The following WDFY2 variants were observed in gnomAD, a reference collection of about 807,000 sequenced individuals.
WDFY2 encodes the protein WD repeat and FYVE domain containing 2.
WDFY2 carries 36 observed loss-of-function variants against 56.4 expected under a neutral mutation model. The observed-to-expected ratio is 0.64, with a 90% CI of 0.49 to 0.84. WDFY2 has a LOEUF of 0.84. Ranked by LOEUF, WDFY2 falls within the 40% of genes least tolerant of loss-of-function variation. The probability of loss-of-function intolerance (pLI) is 0.00; values close to 1 mark genes in which losing one functional copy is unlikely to be tolerated. For missense variants in WDFY2, 444 were observed against 512.2 expected (o/e 0.87, Z 1.29); for synonymous variants, 176 against 183.7 (o/e 0.96, Z 0.34).
intron 1 of WDFY2, among the ~76,000 whole-genome samples, chr13:51,636,826 G>A (rs559574249): frequency 1.7e-4 from 26 of 152,306 alleles, no homozygotes; most frequent in African/African-American, 5.5e-4. Context: ...AAAGGGCAAC[G>A]GCAACTCCGT....
Position 51,756,400 on chromosome 13 carries a change from G to T in WDFY2, c.1002G>T (p.Leu334=). 1 of 1,614,130 alleles carries T rather than the reference G, an allele frequency of 6.2e-7. No homozygotes were observed. The highest frequency in any genetic ancestry group is 1.1e-5 in the South Asian group (1 of 91,072). Reference sequence around the variant, plus strand: ...GCTCCAAGCGCTCCTCCATCCCCCTGATGGGCTTCGAGTTTGAAGTGAGGG... The same window carrying T: ...GCTCCAAGCGCTCCTCCATCCCCCTTATGGGCTTCGAGTTTGAAGTGAGGG... ...KCSSKRSSIP[L]MGFEFEVRVC... The change falls in exon 10 of 12, where the codon CTG becomes CTT. Residue 334 remains leucine, a synonymous_variant. Transcript: ENST00000298125.
chr13:51,596,452 T>C (rs1954150324), intron 1 of WDFY2, among the ~76,000 whole-genome samples: 1 of 152,192 alleles, frequency 6.6e-6, no homozygotes, highest in Non-Finnish European at 1.5e-5. Flanking sequence ...GTGGATAGGA[T>C]AGGGCAAAGT....
At chr13:51,709,148 T>A (rs527712995) in intron 4 of WDFY2, among the ~76,000 whole-genome samples, 1 of 152,340 alleles carries the variant, frequency 6.6e-6, no homozygotes, top group African/African-American at 2.4e-5. Flanking sequence ...AACAAAACAG[T>A]CAACAAACTT....
At chr13:51,677,574 T>C (rs954800070) in intron 3 of WDFY2, among the ~76,000 whole-genome samples, 2 of 152,244 alleles carry the variant, frequency 1.3e-5, no homozygotes. Flanking sequence ...TAACTTATTT[T>C]AAAACTAAGA....
At chr13:51,601,740 A>G (rs1954287312) in intron 1 of WDFY2, among the ~76,000 whole-genome samples, 1 of 152,168 alleles carries the variant, frequency 6.6e-6, no homozygotes, top group Non-Finnish European at 1.5e-5. Context: ...AGAGTGGGGA[A>G]GGGCACCCTG....
chr13:51,609,613 C>A (rs1443502984), intron 1 of WDFY2, among the ~76,000 whole-genome samples: 1 of 128,486 alleles, frequency 7.8e-6, no homozygotes, highest in African/African-American at 2.9e-5. Context: ...CCCCGCCCCC[C>A]CGCCCTCCCC....
intron 6 of WDFY2, 94 bp downstream of exon 6, chr13:51,727,884 A>G (rs925544993): frequency 1.7e-6 from 2 of 1,177,720 alleles, no homozygotes; most frequent in African/African-American, 3.0e-5. Context: ...GAAAGTGGCA[A>G]AGTACAATCC....
chr13:51,649,338 T>C (rs1428215461), intron 1 of WDFY2, among the ~76,000 whole-genome samples: 1 of 151,318 alleles, frequency 6.6e-6, no homozygotes, highest in East Asian at 1.9e-4. Context: ...GACTGTGCGG[T>C]GCATTTGGCC....
Position 51,758,262 on chromosome 13 carries a change from G to A in WDFY2, c.1135G>A (p.Gly379Arg), listed in dbSNP as rs1203269003. ...IVHVHFDATR[G>R]WLLTSGTDKV... ...GCATGTGCATTTCGATGCAACCAGA[G>A]GATGGTTACTGACTTCTGGAACTGA... The change falls in exon 11 of 12, where the codon GGA becomes AGA. Residue 379 changes from glycine to arginine, a missense_variant. Physicochemically the swap from Gly to Arg is moderately radical, Grantham distance 125. Coordinates refer to ENST00000298125, the MANE Select transcript of WDFY2 (RefSeq NM_052950.4). The A allele has an allele frequency of 6.2e-7, 1 of 1,601,734 alleles. No homozygotes were observed. The highest frequency in any genetic ancestry group is 8.5e-7 in the Non-Finnish European group (1 of 1,170,466).
intron 1 of WDFY2, among the ~76,000 whole-genome samples, chr13:51,623,394 A>T (rs1954778104): frequency 2.6e-5 from 4 of 152,130 alleles, no homozygotes; most frequent in Admixed American, 2.6e-4. Context: ...GATGTGAAAG[A>T]ACAGTGTGCC....
intron 1 of WDFY2, among the ~76,000 whole-genome samples, chr13:51,654,496 A>G (rs1955469226): frequency 6.6e-6 from 1 of 152,060 alleles, no homozygotes; most frequent in African/African-American, 2.4e-5. Flanking sequence ...TGCGTCGCTC[A>G]CGGTAGGAGC....
At chr13:51,745,731 C>T (rs1301021747) in intron 7 of WDFY2, among the ~76,000 whole-genome samples, 1 of 124,790 alleles carries the variant, frequency 8.0e-6, no homozygotes, top group East Asian at 2.3e-4. Flanking sequence ...AGTGATTATC[C>T]TTCATTTAAA....
At chr13:51,632,059 C>T (rs954592607) in intron 1 of WDFY2, among the ~76,000 whole-genome samples, 1 of 152,068 alleles carries the variant, frequency 6.6e-6, no homozygotes, top group African/African-American at 2.4e-5. Flanking sequence ...ATTGATAATT[C>T]ATCTAAATTT....
At chr13:51,630,664 C>T (rs932303899) in intron 1 of WDFY2, among the ~76,000 whole-genome samples, 11 of 151,126 alleles carry the variant, frequency 7.3e-5, no homozygotes, top group East Asian at 3.9e-4. Flanking sequence ...AACCCATTAG[C>T]GTTTACTGAA....
chr13:51,684,296 C>T (rs143576375), intron 3 of WDFY2, among the ~76,000 whole-genome samples: 5 of 150,942 alleles, frequency 3.3e-5, no homozygotes, highest in East Asian at 1.9e-4. Flanking sequence ...GCTATTGCTA[C>T]GGGTAGAAAA....
intron 2 of WDFY2, among the ~76,000 whole-genome samples, chr13:51,671,801 T>TG (rs1955812778): frequency 6.9e-6 from 1 of 144,702 alleles, no homozygotes; most frequent in Non-Finnish European, 1.5e-5. Flanking sequence ...TTTTTTTTTT[T>TG]GAGACAAGGT....
intron 7 of WDFY2, among the ~76,000 whole-genome samples, 166 bp from the exon 8 acceptor site, chr13:51,751,144 G>A (rs1451978213): frequency 2.0e-5 from 3 of 152,074 alleles, no homozygotes; most frequent in Admixed American, 2.0e-4. Context: ...TTTAAATCCT[G>A]GATACTCTTC....
chr13:51,737,357 A>G (rs1207669849), intron 6 of WDFY2, among the ~76,000 whole-genome samples: 1 of 152,140 alleles, frequency 6.6e-6, no homozygotes, highest in Non-Finnish European at 1.5e-5. Flanking sequence ...TTAATCTGCC[A>G]AGAACAAAGC....
At chr13:51,635,986 T>A (rs984508073) in intron 1 of WDFY2, among the ~76,000 whole-genome samples, 2 of 152,196 alleles carry the variant, frequency 1.3e-5, no homozygotes, top group Non-Finnish European at 2.9e-5. Flanking sequence ...AGCACCTACA[T>A]ACACTTTAAC....
Sources: gnomAD v4.1 joint callset for allele counts (sites outside exome capture counted in the v4.1 genomes callset) on GRCh38, gnomAD v4.1.1 for gene constraint, MANE v1.5 for transcripts, NCBI Gene and HGNC (gene_info 2026-07-23, HGNC 2026-07-21) for gene names.